EPB41L4A: variants seen among roughly 807,000 people sequenced by gnomAD.
EPB41L4A encodes the protein band 4.1-like protein 4A.
In EPB41L4A, 100 loss-of-function variants were observed where a neutral mutation model predicts 108.6. The ratio of observed to expected loss-of-function variants is 0.92; its 90% CI spans 0.78 to 1.09. EPB41L4A has a LOEUF of 1.09. Ranked by LOEUF, EPB41L4A falls within the 50% of genes least tolerant of loss-of-function variation. EPB41L4A has a pLI of 0.00. For synonymous variants in EPB41L4A, 319 were observed against 289.0 expected, an observed-to-expected ratio of 1.10 and a Z score of -1.05; for missense variants, 1,030 against 842.7, an observed-to-expected ratio of 1.22 and a Z score of -2.75.
chr5:112,177,100 A>C (rs1257117005), intron 18 of EPB41L4A, among the ~76,000 whole-genome samples: 1 of 151,290 alleles, frequency 6.6e-6, no homozygotes, highest in Non-Finnish European at 1.5e-5. Flanking sequence ...TATATATATA[A>C]TTTTTTTTTC....
chr5:112,375,927 G>A (rs1759791200), intron 1 of EPB41L4A, among the ~76,000 whole-genome samples: 1 of 152,190 alleles, frequency 6.6e-6, no homozygotes, highest in Non-Finnish European at 1.5e-5. Context: ...GACAATGTCT[G>A]TGCCTCCAAG....
intron 1 of EPB41L4A, among the ~76,000 whole-genome samples, chr5:112,382,860 C>T (rs947803199): frequency 9.2e-5 from 14 of 152,180 alleles, no homozygotes; most frequent in African/African-American, 2.7e-4. Flanking sequence ...GCAATCACTG[C>T]ATCTATTATT....
chr5:112,338,419 C>A (rs921705750), intron 1 of EPB41L4A, among the ~76,000 whole-genome samples: 2 of 152,160 alleles, frequency 1.3e-5, no homozygotes, highest in Admixed American at 6.5e-5. Context: ...CGGCTCTCTC[C>A]AGCATGGCTG....
At chr5:112,197,482 G>A (rs1762020525) in intron 15 of EPB41L4A, among the ~76,000 whole-genome samples, 1 of 152,194 alleles carries the variant, frequency 6.6e-6, no homozygotes, top group African/African-American at 2.4e-5. Context: ...ATTGGTCACA[G>A]ACGATCTAAA....
intron 2 of EPB41L4A, among the ~76,000 whole-genome samples, chr5:112,280,597 C>A (rs72781651): frequency 0.047 from 7,208 of 152,134 alleles, 245 homozygotes; most frequent in Non-Finnish European, 0.068. Flanking sequence ...TAAGACCACC[C>A]TGGCCAATAT....
downstream of EPB41L4A, among the ~76,000 whole-genome samples, chr5:112,159,114 T>C (rs969340700): frequency 6.6e-6 from 1 of 152,214 alleles, no homozygotes; most frequent in African/African-American, 2.4e-5. Flanking sequence ...ATTGATTTGG[T>C]TATTATTCAT....
At chr5:112,405,548 G>A (rs1033600318) in intron 1 of EPB41L4A, among the ~76,000 whole-genome samples, 18 of 152,244 alleles carry the variant, frequency 1.2e-4, no homozygotes, top group African/African-American at 4.3e-4. Flanking sequence ...TTATGTGCTT[G>A]TTTTATGAGG....
chr5:112,171,730 A>C (rs1430015174), intron 18 of EPB41L4A, among the ~76,000 whole-genome samples: 1 of 152,240 alleles, frequency 6.6e-6, no homozygotes, highest in Admixed American at 6.5e-5. Flanking sequence ...CATTGTAGCA[A>C]TGAATGCAGT....
At chr5:112,303,531 A>G (rs1011378239) in intron 2 of EPB41L4A, among the ~76,000 whole-genome samples, 25 of 152,196 alleles carry the variant, frequency 1.6e-4, no homozygotes, top group Admixed American at 7.9e-4. Flanking sequence ...TGGAATCACA[A>G]TCGTAGAGAA....
intron 1 of EPB41L4A, among the ~76,000 whole-genome samples, chr5:112,393,126 C>T (rs1283259483): frequency 1.3e-5 from 2 of 152,106 alleles, no homozygotes; most frequent in Non-Finnish European, 2.9e-5. Context: ...TAAATGCCCA[C>T]AAGAGAAAGC....
Position 112,194,744 on chromosome 5 carries a change from A to C in EPB41L4A, c.1425-99T>G. ...ATGGGTCCTCTGGAATTCATTTTGCAGTAAAATTATCAATCCAAACATCAA... is the reference window on the plus strand; with the variant it reads ...ATGGGTCCTCTGGAATTCATTTTGCCGTAAAATTATCAATCCAAACATCAA... On this transcript the variant is annotated intron_variant, in intron 16 of 22. Coordinates refer to ENST00000261486, the MANE Select transcript of EPB41L4A (RefSeq NM_022140.5). 3 of 683,382 alleles carry C rather than the reference A, an allele frequency of 4.4e-6. No homozygotes were observed. The South Asian group carries it at 6.8e-5, about 15-fold the overall frequency. The allele number at this position is 683,382 out of a possible 1,614,324, so 42.3% of individuals were successfully genotyped here.
intron 1 of EPB41L4A, among the ~76,000 whole-genome samples, chr5:112,347,807 A>G (rs539348902): frequency 1.3e-5 from 2 of 152,256 alleles, no homozygotes; most frequent in East Asian, 1.9e-4. Flanking sequence ...CCAGCACTCT[A>G]AAGACAAAGC....
At chr5:112,390,843 C>T (rs1760888117) in intron 1 of EPB41L4A, among the ~76,000 whole-genome samples, 1 of 152,152 alleles carries the variant, frequency 6.6e-6, no homozygotes, top group Admixed American at 6.5e-5. Flanking sequence ...TGAGACAAAG[C>T]TTCCAGAGGA....
chr5:112,213,341 G>T (rs1747354328), intron 12 of EPB41L4A, among the ~76,000 whole-genome samples: 2 of 104,278 alleles, frequency 1.9e-5, no homozygotes, highest in Admixed American at 1.2e-4. Flanking sequence ...AACATGTACA[G>T]TTTTTTTTTT....
At chr5:112,361,574 T>G in intron 1 of EPB41L4A, among the ~76,000 whole-genome samples, 1 of 79,046 alleles carries the variant, frequency 1.3e-5, no homozygotes, top group South Asian at 7.5e-4. Flanking sequence ...TTAAACACAG[T>G]ATGTAGAAAA....
At chr5:112,181,215 G>T (rs960600262) in intron 18 of EPB41L4A, among the ~76,000 whole-genome samples, 1 of 152,078 alleles carries the variant, frequency 6.6e-6, no homozygotes, top group Admixed American at 6.5e-5. Flanking sequence ...ACTTTGGGAG[G>T]CCGAGGCGGG....
At chr5:112,396,830 T>C (rs1761385012) in intron 1 of EPB41L4A, among the ~76,000 whole-genome samples, 1 of 152,202 alleles carries the variant, frequency 6.6e-6, no homozygotes, top group Non-Finnish European at 1.5e-5. Flanking sequence ...GCAGGTGAAT[T>C]AGCTTTTACC....
At chr5:112,218,083 G>C (rs1747778761) in intron 12 of EPB41L4A, among the ~76,000 whole-genome samples, 1 of 152,160 alleles carries the variant, frequency 6.6e-6, no homozygotes, top group Admixed American at 6.5e-5. Context: ...ACAGGGTGTG[G>C]AGGTACTCAC....
intron 6 of EPB41L4A, 36 bp downstream of exon 6, chr5:112,264,860 G>T (rs771485311): frequency 6.3e-7 from 1 of 1,591,428 alleles, no homozygotes; most frequent in South Asian, 1.2e-5. Context: ...GATGACTGAT[G>T]GATGATGCAA....
Sources: allele counts gnomAD v4.1 joint callset (sites outside exome capture counted in the v4.1 genomes callset), GRCh38; gene constraint gnomAD v4.1.1; transcripts MANE v1.5; gene names NCBI Gene and HGNC (gene_info 2026-07-23, HGNC 2026-07-21).